CSMD3: variants seen among roughly 807,000 people sequenced by gnomAD.
CSMD3 encodes the protein CUB and Sushi multiple domains 3, also known as CUB and sushi domain-containing protein 3.
A neutral mutation model predicts 435.2 loss-of-function variants in CSMD3; 177 were observed. The observed-to-expected ratio is 0.41, with a 90% CI of 0.36 to 0.46. CSMD3 has a LOEUF of 0.46. Among genes scored for constraint, CSMD3 ranks in the 20% least tolerant of loss-of-function variants. CSMD3 has a pLI of 0.34. For missense variants in CSMD3, 4,265 were observed against 4,504.6 expected, an observed-to-expected ratio of 0.95 and a Z score of 1.52; for synonymous variants, 1,656 against 1,520.5, an observed-to-expected ratio of 1.09 and a Z score of -2.07.
intron 12 of CSMD3, among the ~76,000 whole-genome samples, chr8:112,813,979 T>C (rs187506577): frequency 3.2e-4 from 49 of 152,298 alleles, no homozygotes; most frequent in African/African-American, 1.1e-3. Flanking sequence ...CACAAGCCAG[T>C]TGGAAATGCT....
chr8:112,884,555 T>C (rs959605579), intron 10 of CSMD3, among the ~76,000 whole-genome samples: 2 of 151,792 alleles, frequency 1.3e-5, no homozygotes, highest in African/African-American at 4.8e-5. Flanking sequence ...GGCACATCCT[T>C]TCCCCCACAA....
At chr8:113,026,874 C>T (rs1411562129) in intron 5 of CSMD3, among the ~76,000 whole-genome samples, 2 of 152,126 alleles carry the variant, frequency 1.3e-5, no homozygotes, top group South Asian at 2.1e-4. Flanking sequence ...TATAACTCTT[C>T]CTATGGCATG....
chr8:112,761,455 A>T (rs1168183138), intron 13 of CSMD3, among the ~76,000 whole-genome samples: 1 of 152,058 alleles, frequency 6.6e-6, no homozygotes, highest in African/African-American at 2.4e-5. Context: ...AGCTACTAGG[A>T]TCTATCTATA....
At chr8:112,459,590 T>A (rs929788508) in intron 32 of CSMD3, among the ~76,000 whole-genome samples, 2 of 152,170 alleles carry the variant, frequency 1.3e-5, no homozygotes, top group African/African-American at 4.8e-5. Context: ...AGGTGAATAT[T>A]ATCCCTGGGT....
At chr8:112,975,779 T>C (rs920321696) in intron 7 of CSMD3, 58 bp downstream of exon 7, 1 of 1,610,334 alleles carries the variant, frequency 6.2e-7, no homozygotes, top group Non-Finnish European at 8.5e-7. Context: ...TTAGAATCAT[T>C]ACCAAAATAT....
At chr8:112,578,452 T>C (rs1279530862) in intron 23 of CSMD3, among the ~76,000 whole-genome samples, 1 of 151,872 alleles carries the variant, frequency 6.6e-6, no homozygotes, top group Non-Finnish European at 1.5e-5. Context: ...AGGCCTAACA[T>C]AGCAGTCTCT....
At chr8:113,347,131 TCTTTGC>T (rs1335414812) in intron 1 of CSMD3, among the ~76,000 whole-genome samples, 14 of 152,038 alleles carry the variant, frequency 9.2e-5, no homozygotes, top group African/African-American at 3.4e-4. Flanking sequence ...AATAAATAAA[TCTTTGC>T]AAGAAAGTGC....
Position 112,881,160 on chromosome 8 carries a change from G to A in CSMD3, c.1634-21894C>T, listed in dbSNP as rs139832035. 3.7e-4 allele frequency among the ~76,000 whole-genome samples: 56 copies of A among 152,040 alleles called. 1 individual carries two copies. Among genetic ancestry groups the A allele is most frequent in the Admixed American group, 1.1e-3 (16 of 15,232 alleles). On this transcript the variant is annotated intron_variant, in intron 10 of 70. Transcript: ENST00000297405. ...CCTCCTTCATGCACCTCACGTTACA[G>A]GGAGAGAGACAAACAGGAAACAACC...
At chr8:112,503,691 A>C (rs1822212978) in intron 30 of CSMD3, 99 bp downstream of exon 30, 1 of 801,158 alleles carries the variant, frequency 1.2e-6, no homozygotes, top group Non-Finnish European at 2.0e-6. Context: ...AAAAATACAC[A>C]TAAAACTAAC....
At chr8:113,084,783 T>C (rs781009721) in intron 5 of CSMD3, among the ~76,000 whole-genome samples, 1 of 151,914 alleles carries the variant, frequency 6.6e-6, no homozygotes, top group South Asian at 2.1e-4. Flanking sequence ...CAATAAAACA[T>C]AATAGAGAAC....
intron 27 of CSMD3, 61 bp from the exon 28 acceptor site, chr8:112,517,286 C>T (rs2130991358): frequency 2.5e-6 from 3 of 1,217,560 alleles, no homozygotes; most frequent in Non-Finnish European, 3.6e-6. Context: ...TTTCATATAT[C>T]CCTGTGTTTT....
intron 6 of CSMD3, among the ~76,000 whole-genome samples, chr8:113,000,856 A>G (rs964671316): frequency 1.3e-5 from 2 of 152,016 alleles, no homozygotes; most frequent in Non-Finnish European, 2.9e-5. Flanking sequence ...TTCCTTCTTA[A>G]CACACCTACT....
chr8:112,358,928 T>C (rs548949124), intron 38 of CSMD3, among the ~76,000 whole-genome samples: 1 of 152,288 alleles, frequency 6.6e-6, no homozygotes, highest in East Asian at 1.9e-4. Flanking sequence ...AAATTATGTT[T>C]TTTTAAAAAA....
At chr8:112,341,455 C>T (rs1825107775) in intron 42 of CSMD3, 22 bp downstream of exon 42, 1 of 1,481,340 alleles carries the variant, frequency 6.8e-7, no homozygotes, top group South Asian at 1.1e-5. Flanking sequence ...TATAAATTTT[C>T]ATTTTTTATT....
chr8:112,902,303 T>C (rs980253404), intron 10 of CSMD3, among the ~76,000 whole-genome samples: 1 of 151,202 alleles, frequency 6.6e-6, no homozygotes, highest in Non-Finnish European at 1.5e-5. Flanking sequence ...TAGCTTGATA[T>C]GATCAAAGGG....
At chr8:112,411,780 C>T (rs1811380679) in intron 32 of CSMD3, among the ~76,000 whole-genome samples, 1 of 152,040 alleles carries the variant, frequency 6.6e-6, no homozygotes, top group African/African-American at 2.4e-5. Flanking sequence ...AAGGTGCAAA[C>T]AGCAGTAGGT....
chr8:112,411,122 CTT>C (rs144741058), intron 32 of CSMD3, among the ~76,000 whole-genome samples: 29 of 136,448 alleles, frequency 2.1e-4, no homozygotes, highest in East Asian at 6.3e-4. Context: ...AAAAATTCAT[CTT>C]TTTTTTTTTT....
At chr8:112,411,050 C>A (rs1319969088) in intron 32 of CSMD3, among the ~76,000 whole-genome samples, 2 of 149,094 alleles carry the variant, frequency 1.3e-5, no homozygotes, top group East Asian at 2.0e-4. Context: ...ACTATATTTA[C>A]AAACATTTAA....
chr8:112,350,274 C>CT lies in CSMD3; in HGVS notation c.6325+900dup, dbSNP rs201171217. Among the ~76,000 whole-genome samples, 833 of 121,218 alleles carry CT rather than the reference C, an allele frequency of 6.9e-3. 3 individuals are homozygous for CT. Among genetic ancestry groups the CT allele is most frequent in the African/African-American group, 0.018 (596 of 33,294 alleles). The allele number at this position is 121,218 out of a possible 152,430, so 79.5% of individuals were successfully genotyped here. ...AGAGTTAAGTCACACAAGTCATGGA[C>CT]TTTTTTTTTTTTTTTTTTTGACTTG... On this transcript the variant is annotated intron_variant, in intron 40 of 70. Transcript: ENST00000297405.
Sources: gnomAD v4.1 joint callset for allele counts (sites outside exome capture counted in the v4.1 genomes callset) on GRCh38, gnomAD v4.1.1 for gene constraint, MANE v1.5 for transcripts, NCBI Gene and HGNC (gene_info 2026-07-23, HGNC 2026-07-21) for gene names.